Variants in GPATCH11 observed in about 807,000 individuals in gnomAD.
GPATCH11 encodes the protein G-patch domain containing 11.
Under a neutral mutation model 44.8 loss-of-function variants are expected in GPATCH11, and 32 were observed. That is an observed-to-expected ratio of 0.71 (90% CI 0.54 to 0.96). GPATCH11 has a LOEUF of 0.96. Ranked by LOEUF, GPATCH11 falls within the 40% of genes least tolerant of loss-of-function variation. The pLI is 0.00. For missense variants in GPATCH11, 324 were observed against 303.1 expected (o/e 1.07, Z -0.51); for synonymous variants, 84 against 94.4 (o/e 0.89, Z 0.64).
At chr2:37,093,745 C>T (rs1182349025) in intron 6 of GPATCH11, among the ~76,000 whole-genome samples, 2 of 152,136 alleles carry the variant, frequency 1.3e-5, no homozygotes, top group African/African-American at 4.8e-5. Context: ...CAACCTCCAC[C>T]TCCTGGGTTC....
At position 37,095,525 on chromosome 2, in the gene GPATCH11, A is replaced by C; in HGVS notation, c.736+7A>C. On this transcript the variant is annotated splice_region_variant and intron_variant, in intron 8 of 8. Coordinates refer to ENST00000674370, the MANE Select transcript of GPATCH11 (RefSeq NM_174931.4). ...TGTGGAACAGCCTATGAAGGTAAGA[A>C]AATTACTTTATGCTTTTTAAAAATA... 3.2e-6 allele frequency: 5 copies of C among 1,578,186 alleles called. No homozygotes were observed.
At chr2:37,085,130 T>G (rs568871002) in intron 1 of GPATCH11, among the ~76,000 whole-genome samples, 1 of 152,356 alleles carries the variant, frequency 6.6e-6, no homozygotes, top group African/African-American at 2.4e-5. Flanking sequence ...AAATGGATAA[T>G]GCTAAAGTAT....
In GPATCH11 at chr2:37,094,134, C is replaced by G. The variant is rs761286672; in HGVS notation, c.593C>G (p.Thr198Ser). ...TACTGGTTGAGGCTTGAAGAGGAGA[C>G]TGAAGAAGATGAAGAAGAAAAAGAA... The part of the protein sequence containing the change: ...AWYWLRLEEE[T>S]EEDEEEKEQD... The change falls in exon 7 of 9, where the codon ACT (threonine) becomes AGT (serine). Residue 198 changes from threonine to serine, a missense_variant. Coordinates refer to ENST00000674370, the MANE Select transcript of GPATCH11 (RefSeq NM_174931.4). The G allele has an allele frequency of 6.3e-7, 1 of 1,593,340 alleles. No homozygotes were observed. The highest frequency in any genetic ancestry group is 8.6e-7 in the Non-Finnish European group (1 of 1,169,372).
intron 7 of GPATCH11, among the ~76,000 whole-genome samples, chr2:37,094,497 T>A (rs1673478238): frequency 6.6e-6 from 1 of 152,228 alleles, no homozygotes; most frequent in South Asian, 2.1e-4. Context: ...TTAGCTTCCA[T>A]TTGTCCTCTC....
chr2:37,090,766 AC>A (rs571898620), intron 4 of GPATCH11, 44 bp downstream of exon 4: 1 of 950,558 alleles, frequency 1.1e-6, no homozygotes, highest in Non-Finnish European at 1.6e-6. Flanking sequence ...ATAATAACTT[AC>A]GCTTAGGTCT....
chr2:37,089,423 C>T (rs376165820), intron 2 of GPATCH11, among the ~76,000 whole-genome samples: 7 of 151,892 alleles, frequency 4.6e-5, no homozygotes, highest in East Asian at 1.9e-4. Context: ...AAAAAATAGC[C>T]GGGCATGGTC....
intron 7 of GPATCH11, chr2:37,094,408 A>G (rs901393562): frequency 3.7e-5 from 16 of 430,986 alleles, no homozygotes; most frequent in African/African-American, 2.6e-4. Flanking sequence ...GAGGGGAAAA[A>G]TAACCCCTGG....
chr2:37,096,404 G>C lies in GPATCH11; in HGVS notation c.*141G>C. On this transcript the variant is annotated 3_prime_UTR_variant, in exon 9 of 9. Coordinates refer to ENST00000674370, the MANE Select transcript of GPATCH11 (RefSeq NM_174931.4). ...AATGTTTTGTTCTTTTTGTACTTTA[G>C]AATATGAATGTTCATTGACTTGAAA... 1.6e-6 allele frequency: 1 copy of C among 624,322 alleles called. No homozygotes were observed. The highest frequency in any genetic ancestry group is 2.9e-6 in the Non-Finnish European group (1 of 350,784). 38.7% of individuals were successfully genotyped at this position (624,322 alleles called of 1,614,324 possible).
At chr2:37,085,859 G>A (rs1201239401) in intron 1 of GPATCH11, among the ~76,000 whole-genome samples, 1 of 152,180 alleles carries the variant, frequency 6.6e-6, no homozygotes, top group Non-Finnish European at 1.5e-5. Context: ...GCCAGCCCAG[G>A]CTGAGTCATT....
chr2:37,091,810 T>C lies in GPATCH11; in HGVS notation c.329-106T>C. The C allele has an allele frequency of 1.1e-5, 11 of 992,130 alleles. No individual in the cohort carries two copies. In the South Asian group the frequency reaches 2.2e-4, roughly 20 times the overall value. The allele number at this position is 992,130 out of a possible 1,614,324, so 61.5% of individuals were successfully genotyped here. On this transcript the variant is annotated intron_variant, in intron 4 of 8. Coordinates refer to ENST00000674370, the MANE Select transcript of GPATCH11 (RefSeq NM_174931.4). The stretch of plus-strand genomic sequence containing the variant: ...TTAGTGTACTCAAATGATTTGTGAG[T>C]GATAGTACTCAAATGAGAATTGCAT...
At chr2:37,085,892 G>A (rs921653877) in intron 1 of GPATCH11, among the ~76,000 whole-genome samples, 1 of 152,244 alleles carries the variant, frequency 6.6e-6, no homozygotes, top group African/African-American at 2.4e-5. Context: ...TGGAGCAAGA[G>A]AATCCATTTC....
rs1362871419 is a variant in GPATCH11, at chr2:37,091,988, A to T, written c.401A>T (p.Lys134Met). 34 of 1,613,466 alleles carry T rather than the reference A, an allele frequency of 2.1e-5. No individual in the cohort carries two copies. The highest frequency in any genetic ancestry group is 2.8e-5 in the Non-Finnish European group (33 of 1,179,542). The change falls in exon 5 of 9, where the codon AAG becomes ATG. Residue 134 changes from lysine to methionine, a missense_variant. Physicochemically the swap from Lys to Met is moderately conservative, Grantham distance 95. Transcript: ENST00000674370. ...AEEKLESYRK[K>M]IHMKNQAEEK... ...GAAAAATTGGAAAGCTACAGAAAAA[A>T]GATTCACATGAAAAACCAAGCTGAA... is the stretch of plus-strand genomic sequence containing the variant.
chr2:37,090,880 A>AT (rs1673285569), intron 4 of GPATCH11, among the ~76,000 whole-genome samples, 158 bp downstream of exon 4: 1 of 152,234 alleles, frequency 6.6e-6, no homozygotes, highest in South Asian at 2.1e-4. Flanking sequence ...CAGAAAAGAA[A>AT]TAAGTTTTAG....
rs1208227837 is a variant in GPATCH11, at chr2:37,094,154, A to G, written c.613A>G (p.Lys205Glu). 6.3e-7 allele frequency: 1 copy of G among 1,577,910 alleles called. No homozygotes were observed. Among genetic ancestry groups the G allele is most frequent in the East Asian group, 2.3e-5 (1 of 43,640 alleles). The change falls in exon 7 of 9, where the codon AAA becomes GAA. Residue 205 changes from lysine (K) to glutamate (E), a missense_variant. By Grantham distance (56) the Lys-to-Glu change is moderately conservative. Coordinates refer to ENST00000674370, the MANE Select transcript of GPATCH11 (RefSeq NM_174931.4). ...EEETEEDEEEKEQDEDEYKSE... is the reference protein window; with the variant it reads ...EEETEEDEEEEEQDEDEYKSE... ...GGAGACTGAAGAAGATGAAGAAGAA[A>G]AAGAACAGGATGAAGATGAATATAA...
intron 6 of GPATCH11, 24 bp from the exon 7 acceptor site, chr2:37,094,058 T>C (rs769525904): frequency 6.0e-6 from 8 of 1,333,528 alleles, no homozygotes; most frequent in South Asian, 1.2e-5. Context: ...GTATGTTTAA[T>C]TGAGACTACT....
chr2:37,091,968 A>C lies in GPATCH11; in HGVS notation c.381A>C (p.Lys127Asn), dbSNP rs1404111055. 1.2e-6 allele frequency: 2 copies of C among 1,613,354 alleles called. No individual in the cohort carries two copies. The highest frequency in any genetic ancestry group is 3.3e-5 in the Admixed American group (2 of 59,984). ...CATTAAAACGGAAAGCAGAGGAAAA[A>C]TTGGAAAGCTACAGAAAAAAGATTC... is the stretch of plus-strand genomic sequence containing the variant. ...EASLKRKAEE[K>N]LESYRKKIHM... The change falls in exon 5 of 9, where the codon AAA becomes AAC. Residue 127 changes from lysine to asparagine, a missense_variant. Transcript: ENST00000674370.
chr2:37,089,797 T>C lies in GPATCH11; in HGVS notation c.217T>C (p.Cys73Arg). ...RDIGLKNALG[C>R]ENKGFALLQK... ...CATTGGGTTGAAGAATGCACTAGGCTGTGAAAACAAAGGGTTTGCCTTGCT... is the reference window on the plus strand; with the variant it reads ...CATTGGGTTGAAGAATGCACTAGGCCGTGAAAACAAAGGGTTTGCCTTGCT... Residue 73 changes from cysteine to arginine, a missense_variant, in exon 3 of 9, where the codon TGT becomes CGT. Transcript: ENST00000674370. 6.4e-7 allele frequency: 1 copy of C among 1,551,854 alleles called. No individual in the cohort carries two copies. The highest frequency in any genetic ancestry group is 8.7e-7 in the Non-Finnish European group (1 of 1,147,024).
chr2:37,090,180 AATACATTG>A (rs1259675480), intron 3 of GPATCH11, among the ~76,000 whole-genome samples: 1 of 152,222 alleles, frequency 6.6e-6, no homozygotes, highest in Non-Finnish European at 1.5e-5. Context: ...GCAATGGCTA[AATACATTG>A]AAACAACACT....
At chr2:37,095,131 G>A (rs1198782048) in intron 7 of GPATCH11, among the ~76,000 whole-genome samples, 1 of 152,112 alleles carries the variant, frequency 6.6e-6, no homozygotes, top group Non-Finnish European at 1.5e-5. Context: ...TTATCTGGGG[G>A]AGGTAAATGC....
Sources: gnomAD v4.1 joint callset for allele counts (sites outside exome capture counted in the v4.1 genomes callset) on GRCh38, gnomAD v4.1.1 for gene constraint, MANE v1.5 for transcripts, NCBI Gene and HGNC (gene_info 2026-07-23, HGNC 2026-07-21) for gene names.